The following PRKG1 variants were observed in gnomAD, a reference collection of about 807,000 sequenced individuals.
The protein encoded by PRKG1 is cGMP-dependent protein kinase 1.
In PRKG1, 35 loss-of-function variants were observed where a neutral mutation model predicts 88.1. That is an observed-to-expected ratio of 0.40 (90% CI 0.30 to 0.53). The LOEUF (loss-of-function observed/expected upper bound fraction) is 0.53, where lower values mean the gene tolerates loss of function less well. Ranked by LOEUF, PRKG1 falls within the 20% of genes least tolerant of loss-of-function variation. PRKG1 has a pLI of 0.59. For missense variants in PRKG1, 540 were observed against 839.8 expected (o/e 0.64, Z 4.41); for synonymous variants, 303 against 292.5 (o/e 1.04, Z -0.37).
intron 2 of PRKG1, among the ~76,000 whole-genome samples, chr10:51,271,821 T>G (rs1267068791): frequency 6.6e-6 from 1 of 152,216 alleles, no homozygotes; most frequent in African/African-American, 2.4e-5. Context: ...CTATCACTGA[T>G]GGGCATTTGG....
intron 9 of PRKG1, among the ~76,000 whole-genome samples, chr10:52,225,726 C>T (rs1840372129): frequency 6.6e-6 from 1 of 152,128 alleles, no homozygotes; most frequent in Non-Finnish European, 1.5e-5. Flanking sequence ...CATCCCAGCA[C>T]CATTTGTTGA....
At chr10:51,768,568 G>A (rs1179342551) in intron 3 of PRKG1, among the ~76,000 whole-genome samples, 1 of 152,098 alleles carries the variant, frequency 6.6e-6, no homozygotes, top group African/African-American at 2.4e-5. Flanking sequence ...GCTGCCATTT[G>A]TTCTTTTAAT....
At chr10:51,092,674 C>T (rs535089148) in intron 1 of PRKG1, among the ~76,000 whole-genome samples, 3 of 152,268 alleles carry the variant, frequency 2.0e-5, no homozygotes, top group South Asian at 4.1e-4. Flanking sequence ...GCACTGTTAG[C>T]TTGCTTTCTT....
At chr10:51,974,408 A>G (rs1039331456) in intron 5 of PRKG1, among the ~76,000 whole-genome samples, 1 of 152,146 alleles carries the variant, frequency 6.6e-6, no homozygotes, top group Non-Finnish European at 1.5e-5. Flanking sequence ...TCATCCTGGA[A>G]TACCCTTCTT....
chr10:52,047,172 T>C (rs1845881102), intron 5 of PRKG1, among the ~76,000 whole-genome samples: 1 of 152,142 alleles, frequency 6.6e-6, no homozygotes, highest in African/African-American at 2.4e-5. Flanking sequence ...GATATCTTGG[T>C]TAATTTGTGG....
chr10:52,279,635 A>C (rs1180759709), intron 12 of PRKG1, among the ~76,000 whole-genome samples: 6 of 152,078 alleles, frequency 3.9e-5, no homozygotes, highest in African/African-American at 9.7e-5. Flanking sequence ...CAGTTTGTTA[A>C]ACTTTACTCC....
chr10:51,049,796 C>T (rs1564581551), intron 1 of PRKG1, among the ~76,000 whole-genome samples: 1 of 152,052 alleles, frequency 6.6e-6, no homozygotes, highest in Admixed American at 6.6e-5. Context: ...TGTGTATTGT[C>T]CATTTCAATA....
intron 1 of PRKG1, among the ~76,000 whole-genome samples, chr10:51,050,681 G>T (rs1843549654): frequency 6.6e-6 from 1 of 152,150 alleles, no homozygotes; most frequent in African/African-American, 2.4e-5. Flanking sequence ...TACCCAGAAG[G>T]TGAGACTGCT....
At chr10:51,280,630 G>A (rs1436067012) in intron 2 of PRKG1, among the ~76,000 whole-genome samples, 2 of 152,078 alleles carry the variant, frequency 1.3e-5, no homozygotes, top group South Asian at 2.1e-4. Flanking sequence ...TTCCATCACT[G>A]ATACCCTTTC....
intron 9 of PRKG1, among the ~76,000 whole-genome samples, chr10:52,169,061 G>A (rs1838581940): frequency 2.6e-5 from 4 of 152,188 alleles, no homozygotes; most frequent in Admixed American, 1.3e-4. Flanking sequence ...GAGAGTGAGA[G>A]GAGCATGGCA....
intron 3 of PRKG1, among the ~76,000 whole-genome samples, chr10:51,777,279 G>A (rs1224246513): frequency 6.6e-6 from 1 of 151,994 alleles, no homozygotes; most frequent in East Asian, 1.9e-4. Context: ...CAAAGAAGAA[G>A]CATTTGACAT....
At chr10:52,041,091 G>A (rs897837978) in intron 5 of PRKG1, among the ~76,000 whole-genome samples, 9 of 151,720 alleles carry the variant, frequency 5.9e-5, no homozygotes, top group East Asian at 3.9e-4. Context: ...TGCCCACCTC[G>A]GCCTCCCAAA....
intron 3 of PRKG1, among the ~76,000 whole-genome samples, chr10:51,548,277 A>G (rs1257849129): frequency 6.6e-6 from 1 of 152,136 alleles, no homozygotes; most frequent in Non-Finnish European, 1.5e-5. Flanking sequence ...ACTTGAACAC[A>G]GTGACTCCAT....
At chr10:51,760,478 T>G (rs926197454) in intron 3 of PRKG1, among the ~76,000 whole-genome samples, 13 of 150,186 alleles carry the variant, frequency 8.7e-5, no homozygotes, top group East Asian at 2.0e-4. Context: ...TTTCGTTTTT[T>G]TTTTTTTTTT....
At chr10:51,733,833 T>C (rs547094080) in intron 3 of PRKG1, among the ~76,000 whole-genome samples, 8 of 152,276 alleles carry the variant, frequency 5.3e-5, no homozygotes, top group African/African-American at 1.7e-4. Flanking sequence ...CCTCAGTAGT[T>C]ATATATTATT....
chr10:51,520,740 A>G (rs978346863), intron 3 of PRKG1, among the ~76,000 whole-genome samples: 5 of 152,236 alleles, frequency 3.3e-5, no homozygotes, highest in Admixed American at 6.5e-5. Context: ...TATTGACCTC[A>G]TGTTTTTCAT....
chr10:51,970,711 GATATATATATATCAGATATATCAGATT>G (rs1564733816), intron 5 of PRKG1, among the ~76,000 whole-genome samples: 12 of 136,174 alleles, frequency 8.8e-5, no homozygotes, highest in East Asian at 2.0e-4. Flanking sequence ...TATATCATCT[GATATATATATATCAGATATATCAGATT>G]ATATATATAT....
intron 2 of PRKG1, among the ~76,000 whole-genome samples, chr10:51,402,234 T>C (rs935574542): frequency 6.6e-6 from 1 of 152,236 alleles, no homozygotes; most frequent in Non-Finnish European, 1.5e-5. Flanking sequence ...CATTCACTTA[T>C]TATGCTATAA....
chr10:51,725,031 G>A (rs1217863630), intron 3 of PRKG1, among the ~76,000 whole-genome samples: 1 of 151,932 alleles, frequency 6.6e-6, no homozygotes, highest in Non-Finnish European at 1.5e-5. Flanking sequence ...TTAATGACTG[G>A]AAAAAATCAA....
Sources: allele counts gnomAD v4.1 joint callset (sites outside exome capture counted in the v4.1 genomes callset), GRCh38; gene constraint gnomAD v4.1.1; transcripts MANE v1.5; gene names NCBI Gene and HGNC (gene_info 2026-07-23, HGNC 2026-07-21).